The following UBE2D2 variants were observed in gnomAD, a reference collection of about 807,000 sequenced individuals.
UBE2D2 encodes ubiquitin conjugating enzyme E2 D2.
A neutral mutation model predicts 24.2 loss-of-function variants in UBE2D2; 2 were observed. The ratio of observed to expected loss-of-function variants is 0.08; its 90% CI spans 0.03 to 0.26. The LOEUF (loss-of-function observed/expected upper bound fraction) is 0.26. Ranked by LOEUF, UBE2D2 falls within the 10% of genes least tolerant of loss-of-function variation. UBE2D2 has a pLI of 1.00. For missense variants in UBE2D2, 44 were observed against 177.6 expected (o/e 0.25, Z 4.28); for synonymous variants, 58 against 56.5 (o/e 1.03, Z -0.12).
intron 1 of UBE2D2, among the ~76,000 whole-genome samples, chr5:139,540,006 G>A (rs1302899459): frequency 3.3e-5 from 5 of 151,866 alleles, no homozygotes; most frequent in East Asian, 3.9e-4. Context: ...TGCAACCTCC[G>A]CCTCCTGGGT....
At position 139,582,266 on chromosome 5, in the gene UBE2D2, A is replaced by ATT. The variant is rs112910161; in HGVS notation, c.25-18093_25-18092dup. Among the ~76,000 whole-genome samples, 330 of 139,560 alleles carry ATT rather than the reference A, an allele frequency of 2.4e-3. 1 individual carries two copies. Among genetic ancestry groups the ATT allele is most frequent in the African/African-American group, 7.7e-3 (291 of 37,832 alleles). 91.6% of individuals were successfully genotyped at this position (139,560 alleles called of 152,430 possible). A position where few individuals can be genotyped will look rare whatever the true frequency, so the allele number is the denominator to read the frequency against. On this transcript the variant is annotated intron_variant, in intron 1 of 6. Transcript: ENST00000398733. ...GTGCTAGGATTATAGGCCTTACACA[A>ATT]TTTTTTTTTTTTTTGAGATGGAGTT...
At chr5:139,581,473 A>T (rs1753601777) in intron 1 of UBE2D2, among the ~76,000 whole-genome samples, 1 of 152,076 alleles carries the variant, frequency 6.6e-6, no homozygotes, top group African/African-American at 2.4e-5. Flanking sequence ...GAGGTTGAGC[A>T]TTCCTTATCC....
chr5:139,546,879 CTTCT>C (rs1391714094), intron 1 of UBE2D2, among the ~76,000 whole-genome samples: 2 of 137,684 alleles, frequency 1.5e-5, no homozygotes, highest in Non-Finnish European at 1.6e-5. Flanking sequence ...CCTTTCTTTC[CTTCT>C]TTCTTTCTTT....
chr5:139,571,644 T>A (rs924829851), intron 1 of UBE2D2, among the ~76,000 whole-genome samples: 8 of 152,138 alleles, frequency 5.3e-5, no homozygotes, highest in Non-Finnish European at 8.8e-5. Flanking sequence ...GATTTACTTG[T>A]TTTAGTCATA....
chr5:139,561,764 C>G lies in UBE2D2; in HGVS notation c.-28C>G. The G allele has an allele frequency of 2.0e-6, 3 of 1,493,580 alleles. No homozygotes were observed. The highest frequency in any genetic ancestry group is 2.7e-5 in the East Asian group (1 of 36,744). The allele number at this position is 1,493,580 out of a possible 1,614,324, so 92.5% of individuals were successfully genotyped here. A position where few individuals can be genotyped will look rare whatever the true frequency, so the allele number is the denominator to read the frequency against. On this transcript the variant is annotated 5_prime_UTR_variant, in exon 1 of 7. Transcript: ENST00000398733. The stretch of plus-strand genomic sequence containing the variant: ...CCCTTCCCCGCCCCCGTCCCCGCCC[C>G]GGGGGCCGCCGCCACCCGCCTCCCA...
In UBE2D2 at chr5:139,592,304, G is replaced by A. The variant is rs192646348; in HGVS notation, c.25-8068G>A. On this transcript the variant is annotated intron_variant, in intron 1 of 6. Coordinates refer to ENST00000398733, the MANE Select transcript of UBE2D2 (RefSeq NM_003339.3). ...GTGCCATTTTGCCCTTTGCCCTCCCGTGCTTTCCCCTCAAATCTTCTTGGT... is the reference window on the plus strand; with the variant it reads ...GTGCCATTTTGCCCTTTGCCCTCCCATGCTTTCCCCTCAAATCTTCTTGGT... Among the ~76,000 whole-genome samples, 375 of 152,118 alleles carry A rather than the reference G, an allele frequency of 2.5e-3. 2 individuals carry two copies. The highest frequency in any genetic ancestry group is 4.3e-3 in the Non-Finnish European group (294 of 68,012).
At chr5:139,596,117 C>A (rs1753955091) in intron 1 of UBE2D2, among the ~76,000 whole-genome samples, 2 of 151,076 alleles carry the variant, frequency 1.3e-5, no homozygotes, top group Admixed American at 6.6e-5. Flanking sequence ...TGGTCTCGAA[C>A]TCCTGACCTC....
At position 139,561,978 on chromosome 5, in the gene UBE2D2, G is replaced by A. The variant is rs547720506; in HGVS notation, c.24+163G>A. ...CCCACTCCCAGTGATGGCGCCCGTG[G>A]AGGCCCCGGCGCGCAGCCCGCGCTT... is the stretch of plus-strand genomic sequence containing the variant. On this transcript the variant is annotated intron_variant, in intron 1 of 6. Transcript: ENST00000398733. The A allele has an allele frequency of 4.8e-6, 5 of 1,050,864 alleles. No homozygotes were observed. In the South Asian group the frequency reaches 9.7e-5, roughly 20 times the overall value. The allele number at this position is 1,050,864 out of a possible 1,614,324, so 65.1% of individuals were successfully genotyped here.
chr5:139,568,306 T>C (rs1753283352), intron 1 of UBE2D2, among the ~76,000 whole-genome samples: 1 of 151,114 alleles, frequency 6.6e-6, no homozygotes, highest in African/African-American at 2.4e-5. Flanking sequence ...ATCTCGCCAC[T>C]GCACTCCAGC....
intron 1 of UBE2D2, among the ~76,000 whole-genome samples, chr5:139,551,158 AAT>A (rs1561499545): frequency 2.6e-5 from 4 of 152,072 alleles, no homozygotes; most frequent in Non-Finnish European, 5.9e-5. Flanking sequence ...CAGCCTGGCC[AAT>A]ATAGTGAAAC....
At chr5:139,562,507 G>A (rs530093249) in intron 1 of UBE2D2, 31 of 1,177,444 alleles carry the variant, frequency 2.6e-5, no homozygotes, top group Non-Finnish European at 3.4e-5. Context: ...TGCAGGATTG[G>A]ATCTAATAGA....
intron 1 of UBE2D2, among the ~76,000 whole-genome samples, chr5:139,527,272 G>C (rs186320845): frequency 5.5e-4 from 83 of 152,166 alleles, no homozygotes; most frequent in South Asian, 3.3e-3. Context: ...AGTTACAGCT[G>C]GTTTTAGACC....
chr5:139,615,284 A>G (rs564640374), intron 5 of UBE2D2, among the ~76,000 whole-genome samples: 2 of 152,284 alleles, frequency 1.3e-5, no homozygotes, highest in East Asian at 1.9e-4. Flanking sequence ...GCAGATCGAG[A>G]CCATCCTGGC....
In UBE2D2 at chr5:139,605,823, C is replaced by G. The variant is rs1019242027; in HGVS notation, c.88+5388C>G. Reference sequence around the variant, plus strand: ...GCGCGATTGCAGCTCACTGAAGCCTCAAACTCCTGGGCTCAAGGGATCCTC... The same window carrying G: ...GCGCGATTGCAGCTCACTGAAGCCTGAAACTCCTGGGCTCAAGGGATCCTC... On this transcript the variant is annotated intron_variant, in intron 2 of 6. Coordinates refer to ENST00000398733, the MANE Select transcript of UBE2D2 (RefSeq NM_003339.3). Among the ~76,000 whole-genome samples, 3 of 151,500 alleles carry G rather than the reference C, an allele frequency of 2.0e-5. No homozygotes were observed. In the Admixed American group the frequency reaches 2.0e-4, roughly 10 times the overall value.
At chr5:139,618,642 C>T (rs550924037) in intron 5 of UBE2D2, among the ~76,000 whole-genome samples, 10 of 152,090 alleles carry the variant, frequency 6.6e-5, no homozygotes, top group Non-Finnish European at 1.5e-4. Flanking sequence ...GAAATTATTG[C>T]CATACCTCTT....
Position 139,626,870 on chromosome 5 carries a change from T to C in UBE2D2, c.*69T>C. Reference sequence around the variant, plus strand: ...ACTCTGAAAGAGAAAGTCCTTTTGATTTCCATTTGACTGCTTTCTATGAGC... The same window carrying C: ...ACTCTGAAAGAGAAAGTCCTTTTGACTTCCATTTGACTGCTTTCTATGAGC... On this transcript the variant is annotated 3_prime_UTR_variant, in exon 7 of 7. Transcript: ENST00000398733. The C allele has an allele frequency of 7.1e-7, 1 of 1,414,550 alleles. No homozygotes were observed. Among genetic ancestry groups the C allele is most frequent in the Non-Finnish European group, 9.9e-7 (1 of 1,010,284 alleles). 87.6% of individuals were successfully genotyped at this position (1,414,550 alleles called of 1,614,324 possible).
intron 1 of UBE2D2, among the ~76,000 whole-genome samples, chr5:139,573,631 C>A (rs935363139): frequency 6.6e-6 from 1 of 151,900 alleles, no homozygotes; most frequent in Non-Finnish European, 1.5e-5. Flanking sequence ...TGAAATAATA[C>A]GACTACTTGG....
chr5:139,626,808 A>C lies in UBE2D2; in HGVS notation c.*7A>C. On this transcript the variant is annotated 3_prime_UTR_variant, in exon 7 of 7. Coordinates refer to ENST00000398733, the MANE Select transcript of UBE2D2 (RefSeq NM_003339.3). ...TCAGAAGTATGCGATGTAATTAAAG[A>C]AATTATTGGATAACCTCTACAAATA... is the stretch of plus-strand genomic sequence containing the variant. 1 of 1,611,154 alleles carries C rather than the reference A, an allele frequency of 6.2e-7. No homozygotes were observed.
intron 1 of UBE2D2, among the ~76,000 whole-genome samples, chr5:139,574,200 G>C (rs1753416821): frequency 6.9e-6 from 1 of 144,914 alleles, no homozygotes; most frequent in Non-Finnish European, 1.5e-5. Flanking sequence ...AGAATTGCTT[G>C]AACCTGGGAG....
Sources: gnomAD v4.1 joint callset for allele counts (sites outside exome capture counted in the v4.1 genomes callset) on GRCh38, gnomAD v4.1.1 for gene constraint, MANE v1.5 for transcripts, NCBI Gene and HGNC (gene_info 2026-07-23, HGNC 2026-07-21) for gene names.